KIF26B: variants seen among roughly 807,000 people sequenced by gnomAD.
KIF26B encodes kinesin-like protein KIF26B.
In KIF26B, 63 loss-of-function variants were observed where a neutral mutation model predicts 151.2. That is an observed-to-expected ratio of 0.42 (90% confidence interval 0.34 to 0.51). The LOEUF (loss-of-function observed/expected upper bound fraction) is 0.51, where lower values mean the gene tolerates loss of function less well. Among genes scored for constraint, KIF26B ranks in the 20% least tolerant of loss-of-function variants. The pLI is 0.07. For synonymous variants in KIF26B, 1,357 were observed against 1,262.1 expected (o/e 1.08, Z -1.59); for missense variants, 2,813 against 2,913.6 (o/e 0.97, Z 0.79).
chr1:245,345,697 T>A (rs1379857729), intron 2 of KIF26B, among the ~76,000 whole-genome samples: 1 of 152,054 alleles, frequency 6.6e-6, no homozygotes, highest in African/African-American at 2.4e-5. Flanking sequence ...TGAGTTCTCG[T>A]GAGATCTGGT....
At chr1:245,657,889 G>C (rs1320388531) in intron 10 of KIF26B, among the ~76,000 whole-genome samples, 1 of 152,142 alleles carries the variant, frequency 6.6e-6, no homozygotes, top group African/African-American at 2.4e-5. Context: ...TCAGTCTATA[G>C]AATGACAAAA....
Position 245,243,445 on chromosome 1 carries a change from T to TACAC in KIF26B, c.465+86763_465+86764insCACA, listed in dbSNP as rs781534382. On this transcript the variant is annotated intron_variant, in intron 2 of 14. Coordinates refer to ENST00000407071, the MANE Select transcript of KIF26B (RefSeq NM_018012.4). The stretch of plus-strand genomic sequence containing the variant: ...CTATATATATACATACATATATATA[T>TACAC]ATACACACACACACACACACACACA... 5.4e-3 allele frequency among the ~76,000 whole-genome samples: 787 copies of TACAC among 146,140 alleles called. 4 individuals are homozygous for TACAC. Among genetic ancestry groups the TACAC allele is most frequent in the East Asian group, 0.028 (141 of 4,958 alleles).
rs375212655 is a variant in KIF26B, at chr1:245,461,666, G to A, written c.1166+41921G>A. Among the ~76,000 whole-genome samples, 223 of 152,212 alleles carry A rather than the reference G, an allele frequency of 1.5e-3. 1 individual carries two copies. The highest frequency in any genetic ancestry group is 0.01 in the Middle Eastern group (3 of 294). ...CCGGGGATGCTGCCCTGTGGTTCTCGGGGAAGCTGAGAGCTCTATGTTGCA... is the reference window on the plus strand; with the variant it reads ...CCGGGGATGCTGCCCTGTGGTTCTCAGGGAAGCTGAGAGCTCTATGTTGCA... On this transcript the variant is annotated intron_variant, in intron 4 of 14. Transcript: ENST00000407071.
intron 2 of KIF26B, among the ~76,000 whole-genome samples, chr1:245,245,017 G>A (rs1235984457): frequency 1.3e-5 from 2 of 152,062 alleles, no homozygotes; most frequent in Admixed American, 1.3e-4. Flanking sequence ...CCTGAGGTTC[G>A]TTGTTTCTTT....
At chr1:245,158,867 T>C (rs969751133) in intron 2 of KIF26B, among the ~76,000 whole-genome samples, 6 of 10,548 alleles carry the variant, frequency 5.7e-4, no homozygotes, top group African/African-American at 1.3e-3. Flanking sequence ...TGTGTGTGTG[T>C]GTGGTGTGTG....
intron 12 of KIF26B, 61 bp downstream of exon 12, chr1:245,688,868 C>T (rs1160768895): frequency 6.7e-7 from 1 of 1,499,214 alleles, no homozygotes; most frequent in Non-Finnish European, 8.9e-7. Flanking sequence ...GCTGCCCAAA[C>T]CCCACTGCCA....
chr1:245,168,338 G>T (rs546672018), intron 2 of KIF26B, among the ~76,000 whole-genome samples: 1 of 152,236 alleles, frequency 6.6e-6, no homozygotes, highest in African/African-American at 2.4e-5. Context: ...CGGTAGCGCC[G>T]TCGTTGCTGA....
intron 2 of KIF26B, among the ~76,000 whole-genome samples, chr1:245,366,523 T>A (rs1419465643): frequency 7.0e-6 from 1 of 143,108 alleles, no homozygotes; most frequent in African/African-American, 2.7e-5. Context: ...AAGGCGAGAC[T>A]CCATCTCAAA....
chr1:245,640,528 A>G (rs1281475857), intron 9 of KIF26B, among the ~76,000 whole-genome samples: 1 of 152,002 alleles, frequency 6.6e-6, no homozygotes, highest in Admixed American at 6.6e-5. Context: ...TATTATTGAT[A>G]GGTAAGGCCT....
At chr1:245,690,307 A>T (rs954654916) in intron 12 of KIF26B, among the ~76,000 whole-genome samples, 2 of 152,176 alleles carry the variant, frequency 1.3e-5, no homozygotes. Flanking sequence ...TCTGTGCAAC[A>T]CTAGGCTCTT....
chr1:245,302,488 T>C (rs1671442488), intron 2 of KIF26B, among the ~76,000 whole-genome samples: 1 of 152,132 alleles, frequency 6.6e-6, no homozygotes, highest in African/African-American at 2.4e-5. Flanking sequence ...TTGGATAGAG[T>C]GCTCAAGATG....
intron 7 of KIF26B, among the ~76,000 whole-genome samples, chr1:245,608,187 C>G (rs7546471): frequency 3.9e-5 from 6 of 152,186 alleles, no homozygotes; most frequent in Admixed American, 1.3e-4. Context: ...CTGGAGAAAG[C>G]AGTGCACACC....
intron 5 of KIF26B, among the ~76,000 whole-genome samples, chr1:245,551,115 G>A (rs534993792): frequency 2.6e-5 from 4 of 152,242 alleles, no homozygotes; most frequent in South Asian, 2.1e-4. Context: ...GCCCTGACAC[G>A]GTTCACTGCA....
chr1:245,254,003 G>T (rs547444786), intron 2 of KIF26B, among the ~76,000 whole-genome samples: 1 of 151,450 alleles, frequency 6.6e-6, no homozygotes, highest in Non-Finnish European at 1.5e-5. Context: ...GTAGAGATGG[G>T]GTTTCACCGT....
intron 2 of KIF26B, among the ~76,000 whole-genome samples, chr1:245,237,519 C>T (rs563370133): frequency 1.3e-5 from 2 of 152,208 alleles, no homozygotes; most frequent in African/African-American, 2.4e-5. Context: ...TTAGCAAAAC[C>T]GTACCCTGGT....
chr1:245,604,307 C>T (rs1355951758), intron 6 of KIF26B, among the ~76,000 whole-genome samples: 1 of 152,146 alleles, frequency 6.6e-6, no homozygotes, highest in Non-Finnish European at 1.5e-5. Context: ...CTCCAGGCTG[C>T]ATCTGAGTAG....
At chr1:245,159,449 AG>A (rs1668499702) in intron 2 of KIF26B, among the ~76,000 whole-genome samples, 1 of 152,214 alleles carries the variant, frequency 6.6e-6, no homozygotes, top group Admixed American at 6.5e-5. Context: ...TAATATCCTA[AG>A]GAAAAAAATG....
rs180708514 is a variant in KIF26B, at chr1:245,316,177, C to T, written c.466-50657C>T. Reference sequence around the variant, plus strand: ...TTTAGATGGAGTTTCATTCTTGTTGCCCAGGATAGAGTGCAGTGGTGTGAA... The same window carrying T: ...TTTAGATGGAGTTTCATTCTTGTTGTCCAGGATAGAGTGCAGTGGTGTGAA... On this transcript the variant is annotated intron_variant, in intron 2 of 14. Transcript: ENST00000407071. 3.8e-3 allele frequency among the ~76,000 whole-genome samples: 569 copies of T among 151,560 alleles called. 2 individuals are homozygous for T. Among genetic ancestry groups the T allele is most frequent in the African/African-American group, 0.013 (551 of 41,316 alleles).
At chr1:245,646,346 C>T in intron 10 of KIF26B, 66 bp downstream of exon 10, 1 of 1,539,120 alleles carries the variant, frequency 6.5e-7, no homozygotes, top group Admixed American at 1.9e-5. Context: ...TTGTTCAGTG[C>T]CATCTGTGGA....
Sources: gnomAD v4.1 joint callset for allele counts (sites outside exome capture counted in the v4.1 genomes callset) on GRCh38, gnomAD v4.1.1 for gene constraint, MANE v1.5 for transcripts, NCBI Gene and HGNC (gene_info 2026-07-23, HGNC 2026-07-21) for gene names.